The following STRN variants were observed in gnomAD, a reference collection of about 807,000 sequenced individuals.
STRN encodes protein phosphatase 2 regulatory subunit B'''alpha.
Under a neutral mutation model 96.3 loss-of-function variants are expected in STRN, and 53 were observed. The ratio of observed to expected loss-of-function variants is 0.55; its 90% CI spans 0.44 to 0.69. The LOEUF is 0.69. Ranked by LOEUF, STRN falls within the 30% of genes least tolerant of loss-of-function variation. STRN has a pLI of 0.00. For missense variants in STRN, 987 were observed against 963.9 expected (o/e 1.02, Z -0.32); for synonymous variants, 428 against 355.9 (o/e 1.20, Z -2.28).
intron 1 of STRN, among the ~76,000 whole-genome samples, chr2:36,952,445 G>C (rs1442609229): frequency 5.0e-5 from 6 of 120,462 alleles, no homozygotes; most frequent in African/African-American, 2.0e-4. Context: ...CCTGAAGCAC[G>C]AGAGAAAAAA....
At chr2:36,915,760 G>GA (rs1368777111) in intron 3 of STRN, among the ~76,000 whole-genome samples, 1 of 152,170 alleles carries the variant, frequency 6.6e-6, no homozygotes, top group Non-Finnish European at 1.5e-5. Context: ...CTGCACATCT[G>GA]AAAGTTCCCA....
intron 12 of STRN, among the ~76,000 whole-genome samples, chr2:36,867,163 T>C (rs890516126): frequency 6.6e-6 from 1 of 152,168 alleles, no homozygotes. Context: ...TGGCTGGTAA[T>C]ATTCTTTTGT....
chr2:36,910,196 T>G (rs1055237856), intron 3 of STRN, among the ~76,000 whole-genome samples: 4 of 147,720 alleles, frequency 2.7e-5, no homozygotes, highest in African/African-American at 1.0e-4. Context: ...AAAAAAAGAC[T>G]TTTTCAGACA....
intron 7 of STRN, 50 bp from the exon 8 acceptor site, chr2:36,886,876 C>A: frequency 7.0e-7 from 1 of 1,425,762 alleles, no homozygotes; most frequent in Non-Finnish European, 9.7e-7. Flanking sequence ...AAATATTGAA[C>A]ACTCTGAGTC....
chr2:36,868,557 G>A (rs942526618), intron 11 of STRN, among the ~76,000 whole-genome samples: 3 of 152,144 alleles, frequency 2.0e-5, no homozygotes, highest in African/African-American at 4.8e-5. Flanking sequence ...TCGCAGTTAC[G>A]CATAGACATG....
intron 5 of STRN, among the ~76,000 whole-genome samples, chr2:36,901,033 T>C (rs1314744007): frequency 1.3e-5 from 2 of 151,860 alleles, no homozygotes; most frequent in African/African-American, 2.4e-5. Context: ...GAAACTACTA[T>C]GGACAAAATT....
At chr2:36,873,175 T>C (rs777987514) in intron 10 of STRN, among the ~76,000 whole-genome samples, 3 of 152,184 alleles carry the variant, frequency 2.0e-5, no homozygotes, top group Non-Finnish European at 2.9e-5. Context: ...TAAAATGGAA[T>C]AAAGCGATCC....
intron 1 of STRN, among the ~76,000 whole-genome samples, chr2:36,929,646 G>A (rs541465929): frequency 3.9e-5 from 6 of 152,214 alleles, no homozygotes; most frequent in African/African-American, 1.4e-4. Context: ...GCCTCCCTAA[G>A]CGCTGGGATT....
intron 12 of STRN, chr2:36,867,348 C>G (rs999302481): frequency 6.6e-6 from 1 of 152,168 alleles, no homozygotes; most frequent in Non-Finnish European, 1.5e-5. Context: ...TGCATCCAGA[C>G]TGGGCAACAG....
chr2:36,960,783 G>C (rs867077170), intron 1 of STRN, among the ~76,000 whole-genome samples: 1 of 152,120 alleles, frequency 6.6e-6, no homozygotes, highest in Non-Finnish European at 1.5e-5. Context: ...CAATAATAAA[G>C]ACAAACTCAT....
chr2:36,849,795 G>C lies in STRN; in HGVS notation c.2092C>G (p.Leu698Val). The C allele has an allele frequency of 6.2e-7, 1 of 1,614,094 alleles. No individual in the cohort carries two copies. The highest frequency in any genetic ancestry group is 1.1e-5 in the South Asian group (1 of 91,082). ...IKFYDNNTGK[L>V]IHSMVAHLEA... ...AGGTGGGCTACCATCGAGTGGATCAGTTTGCCTTTGGAAAAAGAGATTGTT... is the reference window on the plus strand; with the variant it reads ...AGGTGGGCTACCATCGAGTGGATCACTTTGCCTTTGGAAAAAGAGATTGTT... Residue 698 changes from leucine to valine, a missense_variant, in exon 17 of 18, where the codon CTG (leucine) becomes GTG (valine). Physicochemically the swap from Leu to Val is conservative, Grantham distance 32. Transcript: ENST00000263918.
intron 12 of STRN, among the ~76,000 whole-genome samples, chr2:36,862,975 G>A (rs1040956242): frequency 3.3e-5 from 5 of 152,034 alleles, no homozygotes; most frequent in African/African-American, 1.2e-4. Flanking sequence ...CGCCCGCCTC[G>A]GCCTCCCAAA....
In STRN at chr2:36,855,233, A is replaced by C; in HGVS notation, c.1957T>G (p.Leu653Val). 1 of 1,613,798 alleles carries C rather than the reference A, an allele frequency of 6.2e-7. No homozygotes were observed. Among genetic ancestry groups the C allele is most frequent in the African/African-American group, 1.3e-5 (1 of 75,030 alleles). Reference protein sequence around the residue: ...NMETQQRILTLESNVDTTANS... With the variant: ...NMETQQRILTVESNVDTTANS... ...ATACTTGTATCTACATTGGATTCTA[A>C]AGTGAGAATGCGTTGTTGTGTTTCC... is the stretch of plus-strand genomic sequence containing the variant. Residue 653 changes from leucine (L) to valine (V), a missense_variant, in exon 15 of 18, where the codon TTA (leucine) becomes GTA (valine). Coordinates refer to ENST00000263918, the MANE Select transcript of STRN (RefSeq NM_003162.4).
chr2:36,910,889 A>G (rs2148212032), intron 3 of STRN, among the ~76,000 whole-genome samples: 1 of 152,336 alleles, frequency 6.6e-6, no homozygotes, highest in South Asian at 2.1e-4. Flanking sequence ...ATAGCCTGAG[A>G]TAATACTCTC....
chr2:36,843,022 A>G lies in STRN; in HGVS notation c.*6434T>C, dbSNP rs529399293. Among the ~76,000 whole-genome samples, 1 of 152,312 alleles carries G rather than the reference A, an allele frequency of 6.6e-6. No individual in the cohort carries two copies. The highest frequency in any genetic ancestry group is 1.5e-5 in the Non-Finnish European group (1 of 68,022). Reference sequence around the variant, plus strand: ...GGTCAGAATACTACCTGGCAATCTTAGGCTGACCCCAGGAGGTTCATCAAT... The same window carrying G: ...GGTCAGAATACTACCTGGCAATCTTGGGCTGACCCCAGGAGGTTCATCAAT... On this transcript the variant is annotated 3_prime_UTR_variant, in exon 18 of 18. Transcript: ENST00000263918.
At chr2:36,901,762 T>TTTA (rs1669689772) in intron 5 of STRN, among the ~76,000 whole-genome samples, 1 of 152,186 alleles carries the variant, frequency 6.6e-6, no homozygotes, top group African/African-American at 2.4e-5. Context: ...ATGAATACAT[T>TTTA]TTAAGGCTCC....
rs149100410 is a variant in STRN at position 36,919,634 on chromosome 2, C to T, written c.339-3483G>A. 5.9e-3 allele frequency among the ~76,000 whole-genome samples: 891 copies of T among 152,144 alleles called. 10 individuals carry two copies. The highest frequency in any genetic ancestry group is 0.019 in the African/African-American group (795 of 41,496). On this transcript the variant is annotated intron_variant, in intron 2 of 17. Coordinates refer to ENST00000263918, the MANE Select transcript of STRN (RefSeq NM_003162.4). Reference sequence around the variant, plus strand: ...GAAATTAGCTAGATATTTTTAAACACGGATATAACAGAATTATCATATTTG... The same window carrying T: ...GAAATTAGCTAGATATTTTTAAACATGGATATAACAGAATTATCATATTTG...
rs925993161 is a variant in STRN at position 36,845,232 on chromosome 2, G to C, written c.*4224C>G. On this transcript the variant is annotated 3_prime_UTR_variant, in exon 18 of 18. Coordinates refer to ENST00000263918, the MANE Select transcript of STRN (RefSeq NM_003162.4). Reference sequence around the variant, plus strand: ...ATTATCTCCACTCGCTAAAAACATTGATGGTTAATTTTAAGCAATTCTTTC... The same window carrying C: ...ATTATCTCCACTCGCTAAAAACATTCATGGTTAATTTTAAGCAATTCTTTC... 7 of 152,218 alleles carry C rather than the reference G, an allele frequency of 4.6e-5. No homozygotes were observed. In the East Asian group the frequency reaches 1.4e-3, roughly 29 times the overall value. The allele number at this position is 152,218 out of a possible 1,614,324, so 9.4% of individuals were successfully genotyped here.
chr2:36,882,857 T>C (rs1339682318), intron 9 of STRN, among the ~76,000 whole-genome samples: 2 of 152,200 alleles, frequency 1.3e-5, no homozygotes, highest in East Asian at 3.8e-4. Flanking sequence ...AGGCTCAGCC[T>C]AAATATGTAC....
Sources: gnomAD v4.1 joint callset for allele counts (sites outside exome capture counted in the v4.1 genomes callset) on GRCh38, gnomAD v4.1.1 for gene constraint, MANE v1.5 for transcripts, NCBI Gene and HGNC (gene_info 2026-07-23, HGNC 2026-07-21) for gene names.